Variants in OR51B5 observed in about 807,000 individuals in gnomAD.
The protein encoded by OR51B5 is olfactory receptor family 51 subfamily B member 5, also known as olfactory receptor 51B5.
For missense variants in OR51B5, 456 were observed against 374.6 expected (o/e 1.22, Z -1.79); for synonymous variants, 186 against 144.8 (o/e 1.28, Z -2.04).
chr11:5,453,844 G>A, intron 1 of OR51B5: 1 of 1,614,226 alleles, frequency 6.2e-7, no homozygotes, highest in Admixed American at 1.7e-5. Context: ...CTGGCCATGA[G>A]TTTTGACCGC....
Position 5,486,851 on chromosome 11 carries a change from A to T in OR51B5, n.84+18718T>A, listed in dbSNP as rs1851506358. ...CTGCAGTAAAATCGTGTTTCTTTGT[A>T]TTACAGTCCTAGGTGCTCTGTTATG... On this transcript the variant is annotated intron_variant and non_coding_transcript_variant, in intron 1 of 4. Coordinates refer to the OR51B5 transcript ENST00000415970. 2.6e-5 allele frequency among the ~76,000 whole-genome samples: 4 copies of T among 152,008 alleles called. No individual in the cohort carries two copies. In the South Asian group the frequency reaches 8.3e-4, roughly 31 times the overall value.
intron 1 of OR51B5, among the ~76,000 whole-genome samples, chr11:5,349,138 G>A (rs1262137967): frequency 1.3e-5 from 2 of 152,152 alleles, no homozygotes; most frequent in Non-Finnish European, 2.9e-5. Flanking sequence ...CTGCAGGGAT[G>A]AGGCAAAGGT....
chr11:5,407,046 T>G (rs1189589916), intron 1 of OR51B5, among the ~76,000 whole-genome samples: 1 of 152,126 alleles, frequency 6.6e-6, no homozygotes, highest in Non-Finnish European at 1.5e-5. Flanking sequence ...TTAAAAATAC[T>G]GATCTTATTA....
intron 1 of OR51B5, among the ~76,000 whole-genome samples, chr11:5,474,472 T>C (rs1331470147): frequency 7.2e-6 from 1 of 139,768 alleles, no homozygotes. Flanking sequence ...AACTGTTTTT[T>C]AACAAATTAA....
chr11:5,456,919 C>G (rs78815280), intron 1 of OR51B5, among the ~76,000 whole-genome samples: 9,697 of 152,182 alleles, frequency 0.064, 369 homozygotes, highest in East Asian at 0.15. Flanking sequence ...CTGCCTACTT[C>G]TCTATTAGTC....
At chr11:5,413,387 C>T (rs1213901729) in intron 1 of OR51B5, among the ~76,000 whole-genome samples, 1 of 152,188 alleles carries the variant, frequency 6.6e-6, no homozygotes, top group African/African-American at 2.4e-5. Context: ...ACCTCTCCTC[C>T]TCCAAAGGAA....
At chr11:5,485,440 G>C (rs1851485107) in intron 1 of OR51B5, among the ~76,000 whole-genome samples, 1 of 152,174 alleles carries the variant, frequency 6.6e-6, no homozygotes, top group African/African-American at 2.4e-5. Context: ...GTCAGCATAA[G>C]CACCTGATGG....
chr11:5,452,785 C>T (rs1385035430), intron 1 of OR51B5, among the ~76,000 whole-genome samples: 3 of 152,120 alleles, frequency 2.0e-5, no homozygotes, highest in South Asian at 2.1e-4. Flanking sequence ...TGCTAGTGTA[C>T]CTATAGAATA....
At chr11:5,477,989 C>G (rs1851342336) in intron 1 of OR51B5, among the ~76,000 whole-genome samples, 1 of 151,958 alleles carries the variant, frequency 6.6e-6, no homozygotes, top group Non-Finnish European at 1.5e-5. Flanking sequence ...CCGGGAAGCT[C>G]CAACTGGGTG....
chr11:5,485,223 A>C (rs1310338525), intron 1 of OR51B5, among the ~76,000 whole-genome samples: 3 of 152,200 alleles, frequency 2.0e-5, no homozygotes, highest in African/African-American at 7.2e-5. Context: ...AAATCCTGCA[A>C]AATTTTACCA....
intron 1 of OR51B5, among the ~76,000 whole-genome samples, chr11:5,377,636 C>CA (rs1849547795): frequency 6.6e-6 from 1 of 151,828 alleles, no homozygotes; most frequent in African/African-American, 2.4e-5. Flanking sequence ...AACCAATGTG[C>CA]AAAAATCACA....
intron 1 of OR51B5, among the ~76,000 whole-genome samples, chr11:5,484,568 AAT>A (rs1249265606): frequency 6.6e-6 from 1 of 152,216 alleles, no homozygotes; most frequent in African/African-American, 2.4e-5. Context: ...ATCACTAAAA[AAT>A]ATCAGTGCAA....
chr11:5,376,020 C>G (rs1217548592), intron 1 of OR51B5, among the ~76,000 whole-genome samples: 4 of 152,080 alleles, frequency 2.6e-5, no homozygotes, highest in Admixed American at 2.6e-4. Flanking sequence ...TTTTTTTCAG[C>G]ACCACACAAC....
rs1333461298 is a variant in OR51B5 at position 5,342,891 on chromosome 11, T to TAATC, written c.630_633dup (p.Ile212AspfsTer81). 6.2e-7 allele frequency: 1 copy of TAATC among 1,613,700 alleles called. No individual in the cohort carries two copies. The highest frequency in any genetic ancestry group is 2.2e-5 in the East Asian group (1 of 44,848). ...AGTATCAACACATAGGAGATGAAGATAATCAGATAATCCAGCACAAATATA... is the reference window on the plus strand; with the variant it reads ...AGTATCAACACATAGGAGATGAAGATAATCAATCAGATAATCCAGCACAAATATA... On this transcript the variant is annotated frameshift_variant, in exon 1 of 1. Coordinates refer to ENST00000300773, the Ensembl canonical transcript of OR51B5. LOFTEE classifies it low-confidence loss of function (END_TRUNC).
intron 1 of OR51B5, among the ~76,000 whole-genome samples, chr11:5,430,283 C>T (rs947985897): frequency 3.3e-5 from 5 of 151,838 alleles, no homozygotes; most frequent in African/African-American, 9.7e-5. Context: ...TAGAATTTTG[C>T]TTTATTTAAA....
intron 1 of OR51B5, among the ~76,000 whole-genome samples, chr11:5,450,928 T>A (rs1212891502): frequency 1.3e-5 from 2 of 151,770 alleles, no homozygotes; most frequent in African/African-American, 2.4e-5. Flanking sequence ...TCCCAGAACT[T>A]AAAGTAAAAA....
At chr11:5,367,850 G>T (rs1169670125) in intron 1 of OR51B5, among the ~76,000 whole-genome samples, 2 of 152,146 alleles carry the variant, frequency 1.3e-5, no homozygotes, top group Non-Finnish European at 1.5e-5. Context: ...ATTCAAAAAT[G>T]TATTTTTTTT....
chr11:5,472,716 G>A (rs754791938), intron 1 of OR51B5, among the ~76,000 whole-genome samples: 1 of 152,176 alleles, frequency 6.6e-6, no homozygotes, highest in Non-Finnish European at 1.5e-5. Context: ...TCATTTTGTA[G>A]GAGAGCTGAC....
chr11:5,448,523 A>G (rs1019187306), intron 1 of OR51B5, among the ~76,000 whole-genome samples: 9 of 152,198 alleles, frequency 5.9e-5, no homozygotes, highest in African/African-American at 9.7e-5. Flanking sequence ...CACAAGAGCA[A>G]TCTAGGTTGT....
Sources: allele counts gnomAD v4.1 joint callset (sites outside exome capture counted in the v4.1 genomes callset), GRCh38; gene constraint gnomAD v4.1.1; transcripts MANE v1.5; gene names NCBI Gene and HGNC (gene_info 2026-07-23, HGNC 2026-07-21).